DCDC1: variants seen among roughly 807,000 people sequenced by gnomAD.
DCDC1 encodes the protein doublecortin domain-containing protein 1.
DCDC1 carries 200 observed loss-of-function variants against 178.3 expected under a neutral mutation model. That is an observed-to-expected ratio of 1.12 (90% CI 1.00 to 1.26). The LOEUF is 1.26. Ranked by LOEUF, DCDC1 falls within the 50% of genes most tolerant of loss-of-function variation. The pLI is 0.00. For synonymous variants in DCDC1, 690 were observed against 604.8 expected (o/e 1.14, Z -2.07); for missense variants, 1,983 against 1,749.2 (o/e 1.13, Z -2.38).
intron 18 of DCDC1, among the ~76,000 whole-genome samples, chr11:31,071,244 T>A (rs1956540621): frequency 6.6e-6 from 1 of 152,186 alleles, no homozygotes; most frequent in Non-Finnish European, 1.5e-5. Flanking sequence ...TTGGTATTCA[T>A]AATAAAGACA....
rs1971630086 is a variant in DCDC1, at chr11:31,204,299, CA to C, written c.1221+37150del. Among the ~76,000 whole-genome samples, 14 of 151,716 alleles carry C rather than the reference CA, an allele frequency of 9.2e-5. No individual in the cohort carries two copies. In the South Asian group the frequency reaches 2.9e-3, roughly 32 times the overall value. ...AGCTAAAATAATTAATTTAAGTATT[CA>C]ATTCAAGAGGGTAGAAAAAGTACAA... On this transcript the variant is annotated intron_variant, in intron 9 of 38. Transcript: ENST00000684477.
At chr11:31,118,759 G>A (rs1960353216) in intron 11 of DCDC1, among the ~76,000 whole-genome samples, 1 of 152,208 alleles carries the variant, frequency 6.6e-6, no homozygotes. Flanking sequence ...TTTCCCCGCT[G>A]ACTGCCCACC....
chr11:31,156,569 T>C (rs1461939282), intron 9 of DCDC1, among the ~76,000 whole-genome samples: 2 of 152,186 alleles, frequency 1.3e-5, no homozygotes, highest in Non-Finnish European at 2.9e-5. Flanking sequence ...ATATAATTAA[T>C]ACAAAAAGTA....
chr11:31,306,186 TA>T, intron 5 of DCDC1, 45 bp downstream of exon 5: 1 of 1,414,976 alleles, frequency 7.1e-7, no homozygotes, highest in Non-Finnish European at 9.3e-7. Context: ...ATAAAGAGAG[TA>T]AGGGAAAAAA....
intron 20 of DCDC1, among the ~76,000 whole-genome samples, chr11:30,988,663 T>C (rs1314561206): frequency 6.6e-6 from 1 of 152,150 alleles, no homozygotes; most frequent in Non-Finnish European, 1.5e-5. Flanking sequence ...GAAGAAGAAT[T>C]GTCTTGAGCC....
intron 2 of DCDC1, among the ~76,000 whole-genome samples, chr11:31,328,565 A>G (rs539585731): frequency 2.0e-5 from 3 of 152,092 alleles, no homozygotes; most frequent in East Asian, 1.9e-4. Context: ...TTGGGAGGCC[A>G]AGGCGGGCGG....
intron 6 of DCDC1, among the ~76,000 whole-genome samples, chr11:31,298,695 T>C (rs1450018001): frequency 1.3e-5 from 2 of 152,222 alleles, no homozygotes; most frequent in Non-Finnish European, 2.9e-5. Context: ...AAAAGGTCTA[T>C]CTACAATATA....
Position 31,103,658 on chromosome 11 carries a change from T to A in DCDC1, c.1863A>T (p.Leu621=), listed in dbSNP as rs770614831. Residue 621 remains leucine (L), a synonymous_variant, in exon 14 of 39, where the codon CTA becomes CTT. Transcript: ENST00000684477. ...TGTTAATTTACTTGCCACATCCAGG[T>A]AGCAGAACAGCATTAGGATCCAAAA... is the stretch of plus-strand genomic sequence containing the variant. The part of the protein sequence containing the change: ...KTFLDPNAVL[L]PGCGNWEVCE... 1.3e-6 allele frequency: 1 copy of A among 762,622 alleles called. No individual in the cohort carries two copies. Among genetic ancestry groups the A allele is most frequent in the Non-Finnish European group, 2.4e-6 (1 of 416,956 alleles). The allele number at this position is 762,622 out of a possible 1,614,324, so 47.2% of individuals were successfully genotyped here.
intron 20 of DCDC1, among the ~76,000 whole-genome samples, chr11:30,968,546 G>T (rs1949575532): frequency 6.6e-6 from 1 of 150,694 alleles, no homozygotes; most frequent in African/African-American, 2.4e-5. Context: ...ACTAGTTATT[G>T]CTATTGCATT....
chr11:31,157,462 C>CAT (rs10539767), intron 9 of DCDC1, among the ~76,000 whole-genome samples: 4 of 147,616 alleles, frequency 2.7e-5, no homozygotes, highest in African/African-American at 7.5e-5. Flanking sequence ...AATGAATATA[C>CAT]ATATATATAT....
intron 38 of DCDC1, among the ~76,000 whole-genome samples, chr11:30,868,381 G>C (rs149996708): frequency 0.01 from 1,538 of 150,620 alleles, 26 homozygotes; most frequent in African/African-American, 0.036. Flanking sequence ...CTCTCAAGTA[G>C]CTGGGATTAC....
chr11:31,096,661 C>G (rs936528598), intron 15 of DCDC1, among the ~76,000 whole-genome samples: 21 of 151,330 alleles, frequency 1.4e-4, no homozygotes, highest in African/African-American at 7.3e-5. Context: ...AGAACAGACA[C>G]AGCAAGGCCC....
intron 9 of DCDC1, among the ~76,000 whole-genome samples, chr11:31,207,291 A>C (rs1034409957): frequency 6.6e-6 from 1 of 152,236 alleles, no homozygotes; most frequent in Non-Finnish European, 1.5e-5. Flanking sequence ...AGGTGATATT[A>C]TAAATATTAT....
intron 9 of DCDC1, among the ~76,000 whole-genome samples, chr11:31,171,703 A>G (rs2136224885): frequency 6.6e-6 from 1 of 152,318 alleles, no homozygotes; most frequent in East Asian, 1.9e-4. Flanking sequence ...ACCTACCCCA[A>G]TCACCAGGGA....
At chr11:30,993,274 C>A (rs888476882) in intron 20 of DCDC1, among the ~76,000 whole-genome samples, 1 of 151,880 alleles carries the variant, frequency 6.6e-6, no homozygotes, top group African/African-American at 2.4e-5. Flanking sequence ...TATAAGCTAA[C>A]TAAATGAAAG....
At chr11:30,941,596 G>C (rs7946304) in intron 21 of DCDC1, among the ~76,000 whole-genome samples, 6,141 of 152,032 alleles carry the variant, frequency 0.04, 397 homozygotes, top group African/African-American at 0.14. Flanking sequence ...TCCAAAGCTA[G>C]TAATTTTCTA....
In DCDC1 at chr11:31,332,298, CTATCAA is replaced by C. The variant is rs1950034036; in HGVS notation, c.-7+3143_-7+3148del. Reference sequence around the variant, plus strand: ...CTTCTTTATCAGTCTTGCTAGCGGTCTATCAATTTTGTTGATGTTTTCAAAAAACCA... The same window carrying C: ...CTTCTTTATCAGTCTTGCTAGCGGTCTTTTGTTGATGTTTTCAAAAAACCA... On this transcript the variant is annotated intron_variant, in intron 2 of 38. Coordinates refer to ENST00000684477, the MANE Select transcript of DCDC1 (RefSeq NM_001387274.1). Among the ~76,000 whole-genome samples the C allele has an allele frequency of 2.0e-5, 3 of 152,208 alleles. No homozygotes were observed. In the South Asian group the frequency reaches 6.2e-4, roughly 32 times the overall value.
At chr11:31,044,521 C>A (rs1954697087) in intron 20 of DCDC1, among the ~76,000 whole-genome samples, 1 of 150,634 alleles carries the variant, frequency 6.6e-6, no homozygotes, top group Admixed American at 6.6e-5. Context: ...TTTGACACAC[C>A]ACTGCTAGCT....
At chr11:31,326,050 G>A (rs965665370) in intron 3 of DCDC1, among the ~76,000 whole-genome samples, 4 of 152,104 alleles carry the variant, frequency 2.6e-5, no homozygotes, top group African/African-American at 9.6e-5. Context: ...GAAGGTAAAA[G>A]ACCTCAGAGC....
Sources: allele counts gnomAD v4.1 joint callset (sites outside exome capture counted in the v4.1 genomes callset), GRCh38; gene constraint gnomAD v4.1.1; transcripts MANE v1.5; gene names NCBI Gene and HGNC (gene_info 2026-07-23, HGNC 2026-07-21).